Variants in ZBTB32 observed in about 807,000 individuals in gnomAD.
The protein encoded by ZBTB32 is zinc finger and BTB domain-containing protein 32.
A neutral mutation model predicts 45.3 loss-of-function variants in ZBTB32; 28 were observed. The ratio of observed to expected loss-of-function variants is 0.62; its 90% CI spans 0.46 to 0.85. The LOEUF (loss-of-function observed/expected upper bound fraction) is 0.85. Among genes scored for constraint, ZBTB32 ranks in the 40% least tolerant of loss-of-function variants. The pLI, the probability that ZBTB32 is intolerant of heterozygous loss-of-function variation, is 0.00. For synonymous variants in ZBTB32, 283 were observed against 255.7 expected, an observed-to-expected ratio of 1.11 and a Z score of -1.02; for missense variants, 587 against 624.4, an observed-to-expected ratio of 0.94 and a Z score of 0.64.
intron 5 of ZBTB32, 37 bp downstream of exon 5, chr19:35,716,044 T>C (rs2146420779): frequency 1.2e-6 from 2 of 1,611,050 alleles, no homozygotes; most frequent in Non-Finnish European, 1.7e-6. Flanking sequence ...TCAGCCCCAC[T>C]GTAGCCCTTG....
chr19:35,714,650 G>T lies in ZBTB32; in HGVS notation c.24G>T (p.Leu8=), dbSNP rs754285891. 1.3e-6 allele frequency: 2 copies of T among 1,570,508 alleles called. No homozygotes were observed. The highest frequency in any genetic ancestry group is 1.8e-5 in the Admixed American group (1 of 55,044). ...CAATGTCCCTGCCCCCCATAAGACT[G>T]CCCAGCCCCTATGGCTCTGATCGGC... The part of the protein sequence containing the change: MSLPPIR[L]PSPYGSDRLV... The change falls in exon 3 of 7, where the codon CTG becomes CTT. Residue 8 remains leucine, a synonymous_variant. Coordinates refer to ENST00000392197, the MANE Select transcript of ZBTB32 (RefSeq NM_014383.3).
Position 35,716,847 on chromosome 19 carries a change from A to G in ZBTB32, c.*95A>G, listed in dbSNP as rs1322359585. 1 of 1,461,980 alleles carries G rather than the reference A, an allele frequency of 6.8e-7. No individual in the cohort carries two copies. The highest frequency in any genetic ancestry group is 2.3e-5 in the East Asian group (1 of 43,440). The allele number at this position is 1,461,980 out of a possible 1,614,324, so 90.6% of individuals were successfully genotyped here. A position where few individuals can be genotyped will look rare whatever the true frequency, so the allele number is the denominator to read the frequency against. ...CCTGGCACCGCTGCTACGGCGGCCTAGCAAATTCCGCCCCAGAAGCGCCCC... is the reference window on the plus strand; with the variant it reads ...CCTGGCACCGCTGCTACGGCGGCCTGGCAAATTCCGCCCCAGAAGCGCCCC... On this transcript the variant is annotated 3_prime_UTR_variant, in exon 7 of 7. Transcript: ENST00000392197.
At chr19:35,710,078 G>A (rs150612634) in intron 1 of ZBTB32, among the ~76,000 whole-genome samples, 1 of 150,504 alleles carries the variant, frequency 6.6e-6, no homozygotes, top group African/African-American at 2.4e-5. Context: ...AGGCATGGTA[G>A]CAGTTGCCTG....
rs1444566915 is a variant in ZBTB32 at position 35,715,490 on chromosome 19, G to A, written c.864G>A (p.Glu288=). The change falls in exon 3 of 7, where the codon GAG becomes GAA. Residue 288 remains glutamate, a synonymous_variant. Coordinates refer to ENST00000392197, the MANE Select transcript of ZBTB32 (RefSeq NM_014383.3). The part of the protein sequence containing the change: ...HSTPTTGAWQ[E]VWREQRIPLS... ...CCCCCACCACTGGAGCCTGGCAGGA[G>A]GTCTGGCGGGAACAGAGGTGAGTGG... The A allele has an allele frequency of 1.3e-6, 2 of 1,549,202 alleles. No individual in the cohort carries two copies. Among genetic ancestry groups the A allele is most frequent in the Non-Finnish European group, 8.7e-7 (1 of 1,149,720 alleles).
rs1203077020 is a variant in ZBTB32, at chr19:35,716,228, G to A, written c.1120G>A (p.Ala374Thr). ...PAPPARSRPY[A>T]CSVCGKRFSL... ...CCCTCCTGCTCGGTCTCGGCCCTAT[G>A]CGTGCTCTGTCTGTGGAAAGAGGTT... The change falls in exon 6 of 7, where the codon GCG becomes ACG. Residue 374 changes from alanine (A) to threonine (T), a missense_variant. Ala to Thr is a moderately conservative substitution (Grantham distance 58). Transcript: ENST00000392197. 1 of 1,613,892 alleles carries A rather than the reference G, an allele frequency of 6.2e-7. No homozygotes were observed. Among genetic ancestry groups the A allele is most frequent in the Admixed American group, 1.7e-5 (1 of 60,010 alleles).
At chr19:35,708,491 G>A (rs1968604153) in intron 1 of ZBTB32, among the ~76,000 whole-genome samples, 1 of 152,238 alleles carries the variant, frequency 6.6e-6, no homozygotes, top group Admixed American at 6.5e-5. Flanking sequence ...TACTGGTCTT[G>A]AAACAGCCCC....
intron 1 of ZBTB32, among the ~76,000 whole-genome samples, chr19:35,712,444 C>T (rs943294756): frequency 5.3e-5 from 8 of 152,068 alleles, no homozygotes; most frequent in Admixed American, 3.9e-4. Context: ...AGCAAGACCC[C>T]GTCTCAAAAT....
At position 35,707,986 on chromosome 19, in the gene ZBTB32, A is replaced by T. The variant is rs544871930; in HGVS notation, c.-222+3363A>T. 7.9e-5 allele frequency among the ~76,000 whole-genome samples: 12 copies of T among 152,070 alleles called. No individual in the cohort carries two copies. The South Asian group carries it at 2.5e-3, about 32-fold the overall frequency. On this transcript the variant is annotated intron_variant, in intron 1 of 6. Coordinates refer to ENST00000392197, the MANE Select transcript of ZBTB32 (RefSeq NM_014383.3). ...GACAGAAGGAGACTCTGTCTCAATA[A>T]AAAGAAGAGTTAGTCCCATGGGTGA...
At chr19:35,707,853 G>A (rs1487615097) in intron 1 of ZBTB32, among the ~76,000 whole-genome samples, 2 of 151,998 alleles carry the variant, frequency 1.3e-5, no homozygotes, top group African/African-American at 4.8e-5. Flanking sequence ...GTCGTGGTGC[G>A]TGCCTGTAGT....
At chr19:35,707,030 C>T (rs2146408259) in intron 1 of ZBTB32, among the ~76,000 whole-genome samples, 1 of 152,010 alleles carries the variant, frequency 6.6e-6, no homozygotes, top group Non-Finnish European at 1.5e-5. Context: ...TGCAGTTAAT[C>T]CCAGCTCGGC....
Position 35,716,642 on chromosome 19 carries a change from C to T in ZBTB32, c.1354C>T (p.Pro452Ser). The T allele has an allele frequency of 1.9e-6, 3 of 1,613,836 alleles. No individual in the cohort carries two copies. Among genetic ancestry groups the T allele is most frequent in the Non-Finnish European group, 2.5e-6 (3 of 1,179,952 alleles). The change falls in exon 7 of 7, where the codon CCC (proline) becomes TCC (serine). Residue 452 changes from proline to serine, a missense_variant. Pro to Ser is a moderately conservative substitution (Grantham distance 74). Transcript: ENST00000392197. Reference sequence around the variant, plus strand: ...GCAGGCGCACATGCGCGGTCACTCGCCCAGCCAACTCCCGCCCGGATGGAC... The same window carrying T: ...GCAGGCGCACATGCGCGGTCACTCGTCCAGCCAACTCCCGCCCGGATGGAC... The part of the protein sequence containing the change: ...SMQAHMRGHS[P>S]SQLPPGWTIR...
intron 1 of ZBTB32, among the ~76,000 whole-genome samples, chr19:35,707,687 T>C (rs1214856660): frequency 2.0e-5 from 3 of 152,026 alleles, no homozygotes; most frequent in African/African-American, 7.2e-5. Context: ...CATTTTCTAA[T>C]GTCAACAATT....
At chr19:35,710,240 A>G (rs1456591650) in intron 1 of ZBTB32, among the ~76,000 whole-genome samples, 2 of 152,090 alleles carry the variant, frequency 1.3e-5, no homozygotes, top group Non-Finnish European at 2.9e-5. Flanking sequence ...TATAAGTATT[A>G]AAAAGGACTG....
In ZBTB32 at chr19:35,714,619, A is replaced by G. The variant is rs1599655709; in HGVS notation, c.-8A>G. ...AGCCTCTGAGTTAGGTACCCAAGCC[A>G]AGGCACAATGTCCCTGCCCCCCATA... On this transcript the variant is annotated 5_prime_UTR_variant, in exon 3 of 7. Transcript: ENST00000392197. 19 of 1,514,756 alleles carry G rather than the reference A, an allele frequency of 1.3e-5. No homozygotes were observed. In the East Asian group the frequency reaches 4.2e-4, roughly 34 times the overall value. 93.8% of individuals were successfully genotyped at this position (1,514,756 alleles called of 1,614,324 possible). A position where few individuals can be genotyped will look rare whatever the true frequency, so the allele number is the denominator to read the frequency against.
At chr19:35,715,658 G>A in intron 3 of ZBTB32, 99 bp from the exon 4 acceptor site, 1 of 1,491,712 alleles carries the variant, frequency 6.7e-7, no homozygotes, top group South Asian at 1.3e-5. Flanking sequence ...GCACGCCAAA[G>A]CCCAGCCCCC....
In ZBTB32 at chr19:35,716,871, C is replaced by CTTCCTGGGGCGCTT; in HGVS notation, c.*119_*120insTTCCTGGGGCGCTT. On this transcript the variant is annotated 3_prime_UTR_variant, in exon 7 of 7. Coordinates refer to ENST00000392197, the MANE Select transcript of ZBTB32 (RefSeq NM_014383.3). Reference sequence around the variant, plus strand: ...TAGCAAATTCCGCCCCAGAAGCGCCCCAGGAAGGGCGCCGAGTGCCCTCTC... The same window carrying CTTCCTGGGGCGCTT: ...TAGCAAATTCCGCCCCAGAAGCGCCCTTCCTGGGGCGCTTCAGGAAGGGCGCCGAGTGCCCTCTC... The CTTCCTGGGGCGCTT allele has an allele frequency of 8.0e-7, 1 of 1,247,916 alleles. No homozygotes were observed. Among genetic ancestry groups the CTTCCTGGGGCGCTT allele is most frequent in the Non-Finnish European group, 1.1e-6 (1 of 909,860 alleles). 77.3% of individuals were successfully genotyped at this position (1,247,916 alleles called of 1,614,324 possible).
At chr19:35,713,868 A>G (rs188637649) in intron 2 of ZBTB32, among the ~76,000 whole-genome samples, 7 of 152,316 alleles carry the variant, frequency 4.6e-5, no homozygotes, top group Admixed American at 2.6e-4. Context: ...ATTCTCCAAA[A>G]GGTCTCTCCA....
chr19:35,705,879 C>G (rs1162243914), intron 1 of ZBTB32, among the ~76,000 whole-genome samples: 1 of 147,758 alleles, frequency 6.8e-6, no homozygotes, highest in African/African-American at 2.5e-5. Flanking sequence ...CCACTGCACT[C>G]CAGCCTGGGC....
chr19:35,708,728 G>A (rs1459508025), intron 1 of ZBTB32, among the ~76,000 whole-genome samples: 1 of 152,330 alleles, frequency 6.6e-6, no homozygotes, highest in Non-Finnish European at 1.5e-5. Flanking sequence ...GGGAAAAAGG[G>A]AACTAATTCA....
Sources: allele counts gnomAD v4.1 joint callset (sites outside exome capture counted in the v4.1 genomes callset), GRCh38; gene constraint gnomAD v4.1.1; transcripts MANE v1.5; gene names NCBI Gene and HGNC (gene_info 2026-07-23, HGNC 2026-07-21).